CC2D1B: variants seen among roughly 807,000 people sequenced by gnomAD.
CC2D1B encodes coiled-coil and C2 domain containing 1B, also known as coiled-coil and C2 domain-containing protein 1B.
A neutral mutation model predicts 110.8 loss-of-function variants in CC2D1B; 92 were observed. That is an observed-to-expected ratio of 0.83 (90% CI 0.70 to 0.99). CC2D1B has a LOEUF of 0.99. Ranked by LOEUF, CC2D1B falls within the 50% of genes least tolerant of loss-of-function variation. CC2D1B has a pLI of 0.00. For synonymous variants in CC2D1B, 406 were observed against 429.2 expected, an observed-to-expected ratio of 0.95 and a Z score of 0.67; for missense variants, 1,136 against 1,089.0, an observed-to-expected ratio of 1.04 and a Z score of -0.61.
chr1:52,359,090 C>T lies in CC2D1B; in HGVS notation c.1194G>A (p.Ala398=), dbSNP rs536483427. 5.3e-5 allele frequency: 85 copies of T among 1,609,784 alleles called. No individual in the cohort carries two copies. In the South Asian group the frequency reaches 6.9e-4, roughly 13 times the overall value. Residue 398 remains alanine (A), a synonymous_variant, in exon 11 of 25, where the codon GCG becomes GCA. Coordinates refer to ENST00000284376, the MANE Select transcript of CC2D1B (RefSeq NM_001330585.2). ...LQQRLNKYRE[A]GIQARSGGDE... Reference sequence around the variant, plus strand: ...CCCCACCACTCCGGGCCTGGATGCCCGCCTCGCGGTACTTGTTCAGCCTCT... The same window carrying T: ...CCCCACCACTCCGGGCCTGGATGCCTGCCTCGCGGTACTTGTTCAGCCTCT...
chr1:52,359,222 A>G (rs749046049), intron 10 of CC2D1B, 28 bp downstream of exon 10: 1 of 1,611,234 alleles, frequency 6.2e-7, no homozygotes, highest in Non-Finnish European at 8.5e-7. Flanking sequence ...GCAGGTCCCC[A>G]CGCCACAGTC....
intron 21 of CC2D1B, 153 bp from the exon 22 acceptor site, chr1:52,355,092 G>T (rs951138553): frequency 9.0e-6 from 6 of 664,224 alleles, no homozygotes; most frequent in Non-Finnish European, 1.6e-5. Context: ...CGCGGTCCTG[G>T]CCTTGGAAGT....
rs754845040 is a variant in CC2D1B at position 52,355,373 on chromosome 1, A to T, written c.2239+25T>A. ...CTGCCCACACACTCTGAGGGAGGAG[A>T]AAGAGGCCCACGTGTGGCCCTCACC... On this transcript the variant is annotated intron_variant, in intron 21 of 24. Transcript: ENST00000284376. 2.5e-6 allele frequency: 4 copies of T among 1,613,040 alleles called. No individual in the cohort carries two copies. The East Asian group carries it at 6.7e-5, about 27-fold the overall frequency.
rs979200852 is a variant in CC2D1B, at chr1:52,353,248, A to C, written c.*2-25T>G. The C allele has an allele frequency of 1.0e-5, 14 of 1,402,858 alleles. No homozygotes were observed. The Admixed American group carries it at 2.2e-4, about 22-fold the overall frequency. 86.9% of individuals were successfully genotyped at this position (1,402,858 alleles called of 1,614,324 possible). A position where few individuals can be genotyped will look rare whatever the true frequency, so the allele number is the denominator to read the frequency against. On this transcript the variant is annotated intron_variant, in intron 24 of 24. Coordinates refer to ENST00000284376, the MANE Select transcript of CC2D1B (RefSeq NM_001330585.2). ...GCTACACAGGGGTGCAAAGCACAAG[A>C]AGTCAGTCTAAACTGCAGTGAAAAC... is the stretch of plus-strand genomic sequence containing the variant.
intron 23 of CC2D1B, chr1:52,353,941 A>T: frequency 3.1e-6 from 1 of 317,638 alleles, no homozygotes. Context: ...GGCTTGAAGA[A>T]GCAGCCTTCC....
rs764806198 is a variant in CC2D1B at position 52,353,602 on chromosome 1, C to T, written c.2476G>A (p.Val826Met). The part of the protein sequence containing the change: ...KPTGGKLEVK[V>M]RLREPLSGQD... Reference sequence around the variant, plus strand: ...CCACTCAGAGGCTCCCGCAGCCTCACCTTCACCTCCAGCTTCCCCCCGGTG... The same window carrying T: ...CCACTCAGAGGCTCCCGCAGCCTCATCTTCACCTCCAGCTTCCCCCCGGTG... Residue 826 changes from valine to methionine, a missense_variant, in exon 24 of 25, where the codon GTG becomes ATG. Val to Met is a conservative substitution (Grantham distance 21). Coordinates refer to ENST00000284376, the MANE Select transcript of CC2D1B (RefSeq NM_001330585.2). 6.2e-7 allele frequency: 1 copy of T among 1,613,106 alleles called. No homozygotes were observed. Among genetic ancestry groups the T allele is most frequent in the Non-Finnish European group, 8.5e-7 (1 of 1,179,502 alleles).
chr1:52,361,896 A>C (rs1463691113), intron 3 of CC2D1B, among the ~76,000 whole-genome samples: 2 of 152,176 alleles, frequency 1.3e-5, no homozygotes, highest in Non-Finnish European at 2.9e-5. Flanking sequence ...ACCTCCAACA[A>C]CACCTTTCAC....
intron 24 of CC2D1B, 142 bp from the exon 25 acceptor site, chr1:52,353,365 G>A (rs775559179): frequency 6.6e-6 from 10 of 1,508,650 alleles, no homozygotes; most frequent in Non-Finnish European, 8.8e-6. Context: ...TTCTACTGAG[G>A]AACATCAGAA....
intron 22 of CC2D1B, 53 bp from the exon 23 acceptor site, chr1:52,354,751 G>A: frequency 6.2e-7 from 1 of 1,605,342 alleles, no homozygotes; most frequent in Non-Finnish European, 8.5e-7. Flanking sequence ...AGGCAGGAAT[G>A]TGCTGGCTGA....
Position 52,357,776 on chromosome 1 carries a change from C to T in CC2D1B, c.1579+5G>A. On this transcript the variant is annotated splice_donor_5th_base_variant and intron_variant, in intron 14 of 24. Transcript: ENST00000284376. Reference sequence around the variant, plus strand: ...AGTTCTTCACCCTGCTTGTCCCCAACTCACCAGATGGACTCGGTGACTCCT... The same window carrying T: ...AGTTCTTCACCCTGCTTGTCCCCAATTCACCAGATGGACTCGGTGACTCCT... 1 of 1,594,226 alleles carries T rather than the reference C, an allele frequency of 6.3e-7. No individual in the cohort carries two copies. The highest frequency in any genetic ancestry group is 8.6e-7 in the Non-Finnish European group (1 of 1,168,670).
At chr1:52,358,581 G>A in intron 12 of CC2D1B, 105 bp downstream of exon 12, 2 of 1,564,580 alleles carry the variant, frequency 1.3e-6, no homozygotes, top group South Asian at 2.2e-5. Flanking sequence ...TGGCTCCACA[G>A]AGGGGAGGCA....
intron 19 of CC2D1B, 52 bp from the exon 20 acceptor site, chr1:52,355,718 A>G (rs1366063408): frequency 6.2e-7 from 1 of 1,613,418 alleles, no homozygotes; most frequent in Admixed American, 1.7e-5. Flanking sequence ...GGAGCCTAGC[A>G]CTTGGAGTGT....
At position 52,366,178 on chromosome 1, in the gene CC2D1B, T is replaced by C. The variant is rs1241481816; in HGVS notation, c.-124A>G. On this transcript the variant is annotated 5_prime_UTR_variant, in exon 1 of 25. Transcript: ENST00000284376. ...CGACAGGAAGCGCCAGCAGGGGAGG[T>C]GGCTCGCGCGCAACACGTGACCCCA... The C allele has an allele frequency of 6.6e-6, 1 of 151,668 alleles. No homozygotes were observed. The highest frequency in any genetic ancestry group is 2.0e-4 in the East Asian group (1 of 5,098). The allele number at this position is 151,668 out of a possible 1,614,324, so 9.4% of individuals were successfully genotyped here.
chr1:52,353,811 G>C (rs1218472635), intron 23 of CC2D1B, 164 bp from the exon 24 acceptor site: 2 of 566,344 alleles, frequency 3.5e-6, no homozygotes, highest in African/African-American at 3.8e-5. Flanking sequence ...ATTTGGAGGA[G>C]GAGGTGGTGG....
intron 11 of CC2D1B, 59 bp from the exon 12 acceptor site, chr1:52,358,817 A>AACATGACACACAGTGGGGC: frequency 6.5e-7 from 1 of 1,527,450 alleles, no homozygotes; most frequent in South Asian, 1.2e-5. Context: ...CCCCCTGCCC[A>AACATGACACACAGTGGGGC]ACATGACACA....
rs375000208 is a variant in CC2D1B, at chr1:52,357,554, C to T, written c.1724G>A (p.Arg575Gln). The T allele has an allele frequency of 7.0e-6, 11 of 1,581,462 alleles. No homozygotes were observed. The highest frequency in any genetic ancestry group is 1.7e-4 in the Middle Eastern group (1 of 6,044). ...KWLEAQIIQA[R>Q]SGRPVDLSKV... ...GGACAGATCAACAGGTCTGCCAGATCGGGCCTGGATGATCTGAGCCTCAAG... is the reference window on the plus strand; with the variant it reads ...GGACAGATCAACAGGTCTGCCAGATTGGGCCTGGATGATCTGAGCCTCAAG... Residue 575 changes from arginine to glutamine, a missense_variant, in exon 15 of 25, where the codon CGA becomes CAA. By Grantham distance (43) the Arg-to-Gln change is conservative (BLOSUM62 1). Transcript: ENST00000284376.
rs1212299455 is a variant in CC2D1B at position 52,359,345 on chromosome 1, T to C, written c.1031A>G (p.Gln344Arg). 1.9e-6 allele frequency: 3 copies of C among 1,613,326 alleles called. No individual in the cohort carries two copies. Among genetic ancestry groups the C allele is most frequent in the Non-Finnish European group, 2.5e-6 (3 of 1,179,814 alleles). The change falls in exon 10 of 25, where the codon CAG (glutamine) becomes CGG (arginine). Residue 344 changes from glutamine to arginine, a missense_variant. By Grantham distance (43) the Gln-to-Arg change is conservative. Coordinates refer to ENST00000284376, the MANE Select transcript of CC2D1B (RefSeq NM_001330585.2). The stretch of plus-strand genomic sequence containing the variant: ...TGCTGTGGGAGCCTGAGAAGCCTGC[T>C]GGGGCTTCAGATCTGGGGGACCCAG... The part of the protein sequence containing the change: ...MPPAPEDLKP[Q>R]QASQAPTAPS...
At position 52,352,940 on chromosome 1, in the gene CC2D1B, C is replaced by T. The variant is rs1646556456; in HGVS notation, c.*285G>A. 1 of 320,778 alleles carries T rather than the reference C, an allele frequency of 3.1e-6. No individual in the cohort carries two copies. The highest frequency in any genetic ancestry group is 6.3e-6 in the Non-Finnish European group (1 of 158,372). 19.9% of individuals were successfully genotyped at this position (320,778 alleles called of 1,614,324 possible). ...GCAGGGGTTAAGGGGCTGCAGGACT[C>T]CATGGTACAGAGGAATGGAAGTGTC... On this transcript the variant is annotated 3_prime_UTR_variant, in exon 25 of 25. Coordinates refer to ENST00000284376, the MANE Select transcript of CC2D1B (RefSeq NM_001330585.2).
intron 2 of CC2D1B, among the ~76,000 whole-genome samples, 187 bp from the exon 3 acceptor site, chr1:52,362,933 A>G (rs1488430081): frequency 6.6e-6 from 1 of 152,206 alleles, no homozygotes; most frequent in Non-Finnish European, 1.5e-5. Context: ...GGACTCAACA[A>G]AAAACCCAGT....
Sources: gnomAD v4.1 joint callset for allele counts (sites outside exome capture counted in the v4.1 genomes callset) on GRCh38, gnomAD v4.1.1 for gene constraint, MANE v1.5 for transcripts, NCBI Gene and HGNC (gene_info 2026-07-23, HGNC 2026-07-21) for gene names.